Variants in DHRS7B observed in about 807,000 individuals in gnomAD.
DHRS7B encodes the protein dehydrogenase/reductase 7B, also known as peroxisomal reductase activating PPAR-gamma.
In DHRS7B, 24 loss-of-function variants were observed where a neutral mutation model predicts 26.4. The observed-to-expected ratio is 0.91, with a 90% CI of 0.66 to 1.28. DHRS7B has a LOEUF of 1.28. Ranked by LOEUF, DHRS7B falls within the 50% of genes most tolerant of loss-of-function variation. DHRS7B has a pLI of 0.00. For missense variants in DHRS7B, 368 were observed against 419.4 expected, an observed-to-expected ratio of 0.88 and a Z score of 1.07; for synonymous variants, 142 against 166.4, an observed-to-expected ratio of 0.85 and a Z score of 1.13.
Position 21,178,188 on chromosome 17 carries a change from G to A in DHRS7B, c.200-45G>A, listed in dbSNP as rs755664490. The stretch of plus-strand genomic sequence containing the variant: ...ACGCTGGGTGAATTTAAACTGAACG[G>A]CACTGAGGAAGAATGGCTGTCAAGG... On this transcript the variant is annotated intron_variant, in intron 2 of 6. Transcript: ENST00000395511. 7 of 1,569,944 alleles carry A rather than the reference G, an allele frequency of 4.5e-6. No individual in the cohort carries two copies. The Admixed American group carries it at 1.2e-4, about 26-fold the overall frequency.
chr17:21,188,408 C>T (rs1974698259), intron 5 of DHRS7B, among the ~76,000 whole-genome samples: 1 of 151,994 alleles, frequency 6.6e-6, no homozygotes, highest in African/African-American at 2.4e-5. Flanking sequence ...AGTTTGTTTC[C>T]TAAGAACAAG....
chr17:21,177,563 C>T (rs1447275503), intron 2 of DHRS7B, among the ~76,000 whole-genome samples: 2 of 152,196 alleles, frequency 1.3e-5, no homozygotes, highest in Non-Finnish European at 2.9e-5. Flanking sequence ...TGAGCCTTTT[C>T]AAAGGCAGGC....
intron 3 of DHRS7B, 36 bp downstream of exon 3, chr17:21,178,378 G>T: frequency 6.4e-7 from 1 of 1,569,600 alleles, no homozygotes; most frequent in East Asian, 2.2e-5. Flanking sequence ...GGGAAGGAGT[G>T]CAGGCCGTCT....
intron 1 of DHRS7B, among the ~76,000 whole-genome samples, chr17:21,139,768 C>T (rs1973447771): frequency 1.3e-5 from 2 of 151,840 alleles, no homozygotes; most frequent in Non-Finnish European, 2.9e-5. Flanking sequence ...TCTAATGTTT[C>T]CCAATAATTT....
At chr17:21,181,383 G>A (rs1974511626) in intron 3 of DHRS7B, among the ~76,000 whole-genome samples, 1 of 152,128 alleles carries the variant, frequency 6.6e-6, no homozygotes, top group Non-Finnish European at 1.5e-5. Flanking sequence ...ACTGCGCCTC[G>A]CCGGACTGAG....
chr17:21,131,902 C>A (rs1434753012), intron 1 of DHRS7B, among the ~76,000 whole-genome samples: 1 of 152,176 alleles, frequency 6.6e-6, no homozygotes, highest in African/African-American at 2.4e-5. Context: ...GCAGAATTCT[C>A]TATGAGTATG....
intron 1 of DHRS7B, among the ~76,000 whole-genome samples, chr17:21,129,970 T>C: frequency 6.6e-6 from 1 of 152,228 alleles, no homozygotes; most frequent in East Asian, 1.9e-4. Context: ...TCATCTGTGC[T>C]ACCTAGTTAC....
chr17:21,184,635 C>A (rs962948954), intron 5 of DHRS7B, among the ~76,000 whole-genome samples, 172 bp downstream of exon 5: 9 of 152,236 alleles, frequency 5.9e-5, no homozygotes, highest in African/African-American at 2.2e-4. Context: ...AATCCCAGCT[C>A]TACTTTCTGT....
chr17:21,128,256 G>C (rs1597727184), intron 1 of DHRS7B: 1 of 152,200 alleles, frequency 6.6e-6, no homozygotes, highest in Non-Finnish European at 1.5e-5. Flanking sequence ...TTCAAGTCTG[G>C]GTGACAAAGT....
chr17:21,184,280 C>A, intron 4 of DHRS7B, 91 bp from the exon 5 acceptor site: 1 of 1,161,510 alleles, frequency 8.6e-7, no homozygotes, highest in Non-Finnish European at 1.3e-6. Context: ...CTCATTCTGA[C>A]TAAATATCAA....
At chr17:21,164,010 A>G (rs1451468439) in intron 1 of DHRS7B, among the ~76,000 whole-genome samples, 1 of 131,182 alleles carries the variant, frequency 7.6e-6, no homozygotes, top group Non-Finnish European at 1.5e-5. Context: ...TCTTGAGTGC[A>G]GATATTGTCA....
At chr17:21,137,743 C>T (rs1260814131) in intron 1 of DHRS7B, among the ~76,000 whole-genome samples, 1 of 152,030 alleles carries the variant, frequency 6.6e-6, no homozygotes, top group East Asian at 1.9e-4. Context: ...AGATGTGAGC[C>T]ACCGCACCCG....
chr17:21,182,423 T>C (rs1213109994), intron 3 of DHRS7B, among the ~76,000 whole-genome samples: 1 of 152,142 alleles, frequency 6.6e-6, no homozygotes, highest in Non-Finnish European at 1.5e-5. Context: ...TAGTTTTGTA[T>C]TTTTAGTAGA....
At chr17:21,177,201 CTG>C (rs1483395473) in intron 2 of DHRS7B, among the ~76,000 whole-genome samples, 1 of 152,220 alleles carries the variant, frequency 6.6e-6, no homozygotes, top group South Asian at 2.1e-4. Context: ...CAAGACAAAA[CTG>C]TGCATGTGAG....
chr17:21,172,098 TC>T lies in DHRS7B; in HGVS notation c.102del (p.Phe35SerfsTer22). On this transcript the variant is annotated frameshift_variant, in exon 2 of 7. Transcript: ENST00000395511. LOFTEE classifies it high-confidence loss of function. Reference protein sequence around the residue: ...ILPLLFGCLGVFGLFRLLQWV... With the variant: ...ILPLLFGCLGXFGLFRLLQWV... ...CCCCTGCTGTTCGGCTGCCTGGGCG[TC>T]TTCGGCCTCTTCCGGCTGCTGCAGT... 5 of 1,614,146 alleles carry T rather than the reference TC, an allele frequency of 3.1e-6. No homozygotes were observed. The highest frequency in any genetic ancestry group is 4.2e-6 in the Non-Finnish European group (5 of 1,180,014).
intron 1 of DHRS7B, among the ~76,000 whole-genome samples, chr17:21,130,146 C>T (rs1177015037): frequency 6.6e-6 from 1 of 152,112 alleles, no homozygotes; most frequent in African/African-American, 2.4e-5. Context: ...GCCTGTAATC[C>T]CAGTACTTTG....
intron 1 of DHRS7B, among the ~76,000 whole-genome samples, chr17:21,136,770 G>T (rs1214279372): frequency 6.6e-6 from 1 of 151,786 alleles, no homozygotes; most frequent in Non-Finnish European, 1.5e-5. Context: ...TAGCCAGACT[G>T]GTCTTGAACT....
chr17:21,130,525 GGTA>G (rs1402972234), intron 1 of DHRS7B, among the ~76,000 whole-genome samples: 2 of 152,134 alleles, frequency 1.3e-5, no homozygotes, highest in African/African-American at 4.8e-5. Flanking sequence ...CTAAGCTAGG[GGTA>G]GTTTATTTAG....
chr17:21,142,969 C>T (rs1180542812), intron 1 of DHRS7B, among the ~76,000 whole-genome samples: 4 of 152,166 alleles, frequency 2.6e-5, no homozygotes, highest in African/African-American at 7.2e-5. Context: ...TGCTATGTTG[C>T]CCAGACTGGA....
Sources: allele counts gnomAD v4.1 joint callset (sites outside exome capture counted in the v4.1 genomes callset), GRCh38; gene constraint gnomAD v4.1.1; transcripts MANE v1.5; gene names NCBI Gene and HGNC (gene_info 2026-07-23, HGNC 2026-07-21).